Variants in CCDC102A observed in about 807,000 individuals in gnomAD.
CCDC102A encodes the protein coiled-coil domain-containing protein 102A.
A neutral mutation model predicts 55.5 loss-of-function variants in CCDC102A; 40 were observed. The ratio of observed to expected loss-of-function variants is 0.72; its 90% confidence interval spans 0.56 to 0.94. The LOEUF (loss-of-function observed/expected upper bound fraction) is 0.94. CCDC102A is among the 40% of genes least tolerant of loss of function. The probability of loss-of-function intolerance (pLI) is 0.00; values close to 1 mark genes in which losing one functional copy is unlikely to be tolerated. For missense variants in CCDC102A, 779 were observed against 768.6 expected, an observed-to-expected ratio of 1.01 and a Z score of -0.16; for synonymous variants, 323 against 339.0, an observed-to-expected ratio of 0.95 and a Z score of 0.52.
chr16:57,527,566 C>T (rs1028500408), intron 2 of CCDC102A, among the ~76,000 whole-genome samples: 11 of 151,852 alleles, frequency 7.2e-5, no homozygotes, highest in African/African-American at 2.7e-4. Context: ...ATTACAGGCG[C>T]CCACCAGCAT....
chr16:57,535,116 T>C (rs1230715819), intron 1 of CCDC102A, among the ~76,000 whole-genome samples: 1 of 152,090 alleles, frequency 6.6e-6, no homozygotes, highest in Non-Finnish European at 1.5e-5. Flanking sequence ...CAGAGCCCAG[T>C]GGGAAACCAC....
chr16:57,520,607 TAAATAAAATA>T (rs71152274), intron 4 of CCDC102A, among the ~76,000 whole-genome samples: 1 of 111,884 alleles, frequency 8.9e-6, no homozygotes, highest in African/African-American at 3.8e-5. Flanking sequence ...TAAAATAAAA[TAAATAAAATA>T]AAATAAAATA....
rs774739676 is a variant in CCDC102A, at chr16:57,515,330, C to T, written c.1523+11G>A. ...TCTCTGCCCTGTTTCTGTTCCCTGC[C>T]CGGGGCCCACCTGGACTGCAGGTGC... On this transcript the variant is annotated intron_variant, in intron 8 of 8. Coordinates refer to ENST00000258214, the MANE Select transcript of CCDC102A (RefSeq NM_033212.4). The T allele has an allele frequency of 3.9e-6, 6 of 1,539,638 alleles. No homozygotes were observed. The African/African-American group carries it at 6.8e-5, about 17-fold the overall frequency.
At chr16:57,536,252 T>C (rs1260376085) in intron 1 of CCDC102A, among the ~76,000 whole-genome samples, 2 of 135,460 alleles carry the variant, frequency 1.5e-5, no homozygotes, top group African/African-American at 5.5e-5. Context: ...CGGAGGCGCC[T>C]CCCCTCCCCC....
chr16:57,520,536 A>AATACATAACATAACATAAC (rs1332600749), intron 4 of CCDC102A, among the ~76,000 whole-genome samples: 2 of 124,646 alleles, frequency 1.6e-5, no homozygotes, highest in African/African-American at 6.8e-5. Context: ...ACTCAGAAAA[A>AATACATAACATAACATAAC]ATAACATAAC....
chr16:57,512,762 G>C lies in CCDC102A; in HGVS notation c.1632C>G (p.Asp544Glu). 1.2e-6 allele frequency: 2 copies of C among 1,614,054 alleles called. No homozygotes were observed. The highest frequency in any genetic ancestry group is 1.7e-6 in the Non-Finnish European group (2 of 1,179,944). The change falls in exon 9 of 9, where the codon GAC becomes GAG. Residue 544 changes from aspartate (D) to glutamate (E), a missense_variant. By Grantham distance (45) the Asp-to-Glu change is conservative (BLOSUM62 2). Transcript: ENST00000258214. The part of the protein sequence containing the change: ...DGTSDLDEDE[D>E]LQIQVA ...AGCTCTAGGCCACCTGGATTTGCAG[G>C]TCCTCGTCCTCGTCCAGGTCACTGG... is the stretch of plus-strand genomic sequence containing the variant.
chr16:57,522,321 C>G (rs1179414108), intron 3 of CCDC102A, among the ~76,000 whole-genome samples: 1 of 152,080 alleles, frequency 6.6e-6, no homozygotes, highest in Non-Finnish European at 1.5e-5. Flanking sequence ...GCACTCCCTA[C>G]CCAAGTGCAA....
At chr16:57,525,392 C>A (rs535758306) in intron 3 of CCDC102A, among the ~76,000 whole-genome samples, 16 of 152,294 alleles carry the variant, frequency 1.1e-4, no homozygotes, top group African/African-American at 3.9e-4. Context: ...TGAGCCACTG[C>A]GCCTGGCCCA....
chr16:57,512,980 T>C (rs2031893212), intron 8 of CCDC102A, 110 bp from the exon 9 acceptor site: 1 of 847,292 alleles, frequency 1.2e-6, no homozygotes, highest in Non-Finnish European at 1.9e-6. Context: ...CTTTCCCTGC[T>C]GTCTCATCTC....
At position 57,518,198 on chromosome 16, in the gene CCDC102A, C is replaced by T. The variant is rs201369504; in HGVS notation, c.1118G>A (p.Arg373Gln). The T allele has an allele frequency of 9.3e-6, 15 of 1,612,654 alleles. No homozygotes were observed. The highest frequency in any genetic ancestry group is 3.3e-5 in the Admixed American group (2 of 60,034). Residue 373 changes from arginine (R) to glutamine (Q), a missense_variant, in exon 6 of 9, where the codon CGG (arginine) becomes CAG (glutamine). Physicochemically the swap from Arg to Gln is conservative, Grantham distance 43 (BLOSUM62 1). Transcript: ENST00000258214. ...CTGTGCCCGCAGCTTCTTGTTCTCCCGCTCAAGGCCCAGTTTCTCTGTCTC... is the reference window on the plus strand; with the variant it reads ...CTGTGCCCGCAGCTTCTTGTTCTCCTGCTCAAGGCCCAGTTTCTCTGTCTC... ...RLETEKLGLERENKKLRAQVG... is the reference protein window; with the variant it reads ...RLETEKLGLEQENKKLRAQVG...
At position 57,512,652 on chromosome 16, in the gene CCDC102A, A is replaced by G; in HGVS notation, c.*89T>C. Reference sequence around the variant, plus strand: ...TGTGGCAGGGACTGGTCCCAGAGTGAGCCTAGGCACTGCATCAGTTTGAGT... The same window carrying G: ...TGTGGCAGGGACTGGTCCCAGAGTGGGCCTAGGCACTGCATCAGTTTGAGT... On this transcript the variant is annotated 3_prime_UTR_variant, in exon 9 of 9. Transcript: ENST00000258214. 1 of 1,494,080 alleles carries G rather than the reference A, an allele frequency of 6.7e-7. No homozygotes were observed. 92.6% of individuals were successfully genotyped at this position (1,494,080 alleles called of 1,614,324 possible).
At position 57,528,830 on chromosome 16, in the gene CCDC102A, G is replaced by A; in HGVS notation, c.348C>T (p.Asn116=). ...EKWSKVRAER[N]RAREEVRQLR... ...GCTGGCGCACCTCCTCGCGCGCGCG[G>A]TTGCGCTCAGCGCGCACCTTGCTCC... The change falls in exon 2 of 9, where the codon AAC becomes AAT. Residue 116 remains asparagine, a synonymous_variant. Transcript: ENST00000258214. 1 of 1,288,886 alleles carries A rather than the reference G, an allele frequency of 7.8e-7. No individual in the cohort carries two copies. The highest frequency in any genetic ancestry group is 9.9e-7 in the Non-Finnish European group (1 of 1,007,116). 79.8% of individuals were successfully genotyped at this position (1,288,886 alleles called of 1,614,324 possible). A position where few individuals can be genotyped will look rare whatever the true frequency, so the allele number is the denominator to read the frequency against.
rs184855631 is a variant in CCDC102A, at chr16:57,516,798, C to G, written c.1249-335G>C. Among the ~76,000 whole-genome samples the G allele has an allele frequency of 6.6e-6, 1 of 151,816 alleles. No homozygotes were observed. Among genetic ancestry groups the G allele is most frequent in the Non-Finnish European group, 1.5e-5 (1 of 67,974 alleles). ...GGATGAGGTCTGGAGTCTTCAGGGG[C>G]GTATGGCATTGAAAGAGCTGGGTTG... On this transcript the variant is annotated intron_variant, in intron 6 of 8. Transcript: ENST00000258214. This position sits in a 1 kb window ranked among gnomAD's most constrained non-coding sequence, Gnocchi z 4.4.
chr16:57,514,122 C>T (rs377654301), intron 8 of CCDC102A, among the ~76,000 whole-genome samples: 1 of 152,224 alleles, frequency 6.6e-6, no homozygotes, highest in East Asian at 1.9e-4. Context: ...TAAGCCCCTC[C>T]GCAGCGGTAG....
chr16:57,512,649 G>A lies in CCDC102A; in HGVS notation c.*92C>T, dbSNP rs2031885489. ...GGCTGTGGCAGGGACTGGTCCCAGA[G>A]TGAGCCTAGGCACTGCATCAGTTTG... On this transcript the variant is annotated 3_prime_UTR_variant, in exon 9 of 9. Transcript: ENST00000258214. The A allele has an allele frequency of 1.3e-6, 2 of 1,482,084 alleles. No homozygotes were observed. Among genetic ancestry groups the A allele is most frequent in the Non-Finnish European group, 1.8e-6 (2 of 1,103,804 alleles). The allele number at this position is 1,482,084 out of a possible 1,614,324, so 91.8% of individuals were successfully genotyped here. A position where few individuals can be genotyped will look rare whatever the true frequency, so the allele number is the denominator to read the frequency against.
chr16:57,535,587 G>A (rs777167263), intron 1 of CCDC102A, among the ~76,000 whole-genome samples: 35 of 152,098 alleles, frequency 2.3e-4, no homozygotes, highest in Non-Finnish European at 4.0e-4. Context: ...GATACGCACA[G>A]CTGGAATGGT....
chr16:57,524,044 G>A (rs1567603878), intron 3 of CCDC102A, among the ~76,000 whole-genome samples: 1 of 152,116 alleles, frequency 6.6e-6, no homozygotes, highest in Admixed American at 6.5e-5. Context: ...GGGGGTTATG[G>A]GAGGATGTAG....
chr16:57,520,814 C>A (rs921495993), intron 4 of CCDC102A, among the ~76,000 whole-genome samples: 4 of 151,516 alleles, frequency 2.6e-5, no homozygotes, highest in Admixed American at 2.6e-4. Context: ...GTGGCGGGTG[C>A]CTGTAATCCC....
intron 5 of CCDC102A, 34 bp downstream of exon 5, chr16:57,518,591 C>T (rs894210535): frequency 6.4e-7 from 1 of 1,552,726 alleles, no homozygotes; most frequent in Non-Finnish European, 8.9e-7. Flanking sequence ...GACCCCTAAA[C>T]CCAGGTCCTC....
Sources: gnomAD v4.1 joint callset for allele counts (sites outside exome capture counted in the v4.1 genomes callset) on GRCh38, gnomAD v4.1.1 for gene constraint, Gnocchi (gnomAD v3.1) non-coding constraint, MANE v1.5 for transcripts, NCBI Gene and HGNC (gene_info 2026-07-23, HGNC 2026-07-21) for gene names.